Variants in GIGYF2 observed in about 807,000 individuals in gnomAD.
GIGYF2 encodes the protein GRB10-interacting GYF protein 2.
In GIGYF2, 25 loss-of-function variants were observed where a neutral mutation model predicts 208.1. The ratio of observed to expected loss-of-function variants is 0.12; its 90% confidence interval spans 0.09 to 0.17. GIGYF2 has a LOEUF of 0.17. Among genes scored for constraint, GIGYF2 ranks in the 10% least tolerant of loss-of-function variants. The pLI, the probability that GIGYF2 is intolerant of heterozygous loss-of-function variation, is 1.00. For synonymous variants in GIGYF2, 534 were observed against 543.8 expected (o/e 0.98, Z 0.25); for missense variants, 1,302 against 1,579.4 (o/e 0.82, Z 2.98).
intron 9 of GIGYF2, among the ~76,000 whole-genome samples, chr2:232,787,787 A>G (rs1026063810): frequency 3.9e-5 from 6 of 152,236 alleles, no homozygotes; most frequent in African/African-American, 1.4e-4. Context: ...TATTTGAAGA[A>G]TAAGCTTTAA....
At position 232,815,630 on chromosome 2, in the gene GIGYF2, CT is replaced by C; in HGVS notation, c.2108-5del. 1 of 1,441,676 alleles carries C rather than the reference CT, an allele frequency of 6.9e-7. No homozygotes were observed. The highest frequency in any genetic ancestry group is 9.8e-7 in the Non-Finnish European group (1 of 1,022,742). 89.3% of individuals were successfully genotyped at this position (1,441,676 alleles called of 1,614,324 possible). ...CATTCCTCGTTGTTTCTTTTGTTGT[CT>C]TACAGTTTGGGAAGGTGGTAGTGTA... On this transcript the variant is annotated splice_polypyrimidine_tract_variant and splice_region_variant and intron_variant, in intron 18 of 28. Coordinates refer to ENST00000373563, the MANE Select transcript of GIGYF2 (RefSeq NM_001103146.3).
In GIGYF2 at chr2:232,860,462, T is replaced by C. The variant is rs905363623; in HGVS notation, c.*3602T>C. ...AATATATATATAATATATACATATA[T>C]GTTATATACGTATATATATTGCACC... On this transcript the variant is annotated 3_prime_UTR_variant, in exon 29 of 29. Transcript: ENST00000373563. 2.0e-5 allele frequency: 3 copies of C among 149,920 alleles called. No homozygotes were observed. The highest frequency in any genetic ancestry group is 4.4e-5 in the Non-Finnish European group (3 of 67,614). The allele number at this position is 149,920 out of a possible 1,614,324, so 9.3% of individuals were successfully genotyped here.
chr2:232,708,017 A>G (rs1012636775), intron 2 of GIGYF2, among the ~76,000 whole-genome samples: 2 of 152,024 alleles, frequency 1.3e-5, no homozygotes, highest in Non-Finnish European at 1.5e-5. Flanking sequence ...GCTGCAGTGC[A>G]GTGGTGTAGT....
chr2:232,760,445 C>A, intron 6 of GIGYF2, 35 bp from the exon 7 acceptor site: 1 of 1,350,422 alleles, frequency 7.4e-7, no homozygotes, highest in African/African-American at 1.4e-5. Context: ...ATGTTGACAT[C>A]TGACTATCAT....
intron 5 of GIGYF2, among the ~76,000 whole-genome samples, chr2:232,750,022 T>A (rs955952865): frequency 7.6e-4 from 116 of 151,832 alleles, no homozygotes; most frequent in African/African-American, 2.8e-3. Flanking sequence ...CTATCTCTAC[T>A]AAAAATAAAA....
intron 2 of GIGYF2, among the ~76,000 whole-genome samples, chr2:232,707,037 G>A (rs566530889): frequency 1.1e-4 from 17 of 151,522 alleles, no homozygotes; most frequent in African/African-American, 2.9e-4. Flanking sequence ...CTCAAATGAT[G>A]TGGCAATGTT....
At chr2:232,793,312 GTAGA>G (rs1700126838) in intron 12 of GIGYF2, among the ~76,000 whole-genome samples, 1 of 152,196 alleles carries the variant, frequency 6.6e-6, no homozygotes, top group Non-Finnish European at 1.5e-5. Flanking sequence ...TCACTATGGG[GTAGA>G]TAGTACACCT....
rs1251401008 is a variant in GIGYF2 at position 232,806,894 on chromosome 2, G to A, written c.1806+237G>A. On this transcript the variant is annotated intron_variant, in intron 15 of 28. Coordinates refer to ENST00000373563, the MANE Select transcript of GIGYF2 (RefSeq NM_001103146.3). The surrounding 1 kb of genome is among the most constrained non-coding windows in gnomAD (Gnocchi z 4.0). ...CCCAGCTCCTCCCCAACAGGGAAAC[G>A]GAATCCTTCAGTAGCATTCCAGCAG... is the stretch of plus-strand genomic sequence containing the variant. Among the ~76,000 whole-genome samples, 4 of 152,128 alleles carry A rather than the reference G, an allele frequency of 2.6e-5. No individual in the cohort carries two copies. The highest frequency in any genetic ancestry group is 6.5e-5 in the Admixed American group (1 of 15,270).
intron 22 of GIGYF2, among the ~76,000 whole-genome samples, chr2:232,836,803 A>G (rs1478501039): frequency 6.6e-6 from 1 of 151,924 alleles, no homozygotes; most frequent in Non-Finnish European, 1.5e-5. Context: ...TTTTATCCCA[A>G]CTTCTACTGT....
intron 8 of GIGYF2, chr2:232,782,528 A>AT (rs1228719791): frequency 2.0e-5 from 3 of 152,240 alleles, no homozygotes; most frequent in African/African-American, 4.8e-5. Flanking sequence ...TTATGATAGC[A>AT]AAAAGGTAGA....
At chr2:232,839,602 A>C (rs1701756726) in intron 22 of GIGYF2, among the ~76,000 whole-genome samples, 1 of 152,196 alleles carries the variant, frequency 6.6e-6, no homozygotes, top group African/African-American at 2.4e-5. Context: ...AGGTAGATGA[A>C]ATGTAAGTGT....
rs1433262266 is a variant in GIGYF2 at position 232,812,465 on chromosome 2, T to G, written c.2081T>G (p.Leu694Arg). 1 of 1,501,178 alleles carries G rather than the reference T, an allele frequency of 6.7e-7. No individual in the cohort carries two copies. Among genetic ancestry groups the G allele is most frequent in the African/African-American group, 1.4e-5 (1 of 72,618 alleles). 93.0% of individuals were successfully genotyped at this position (1,501,178 alleles called of 1,614,324 possible). The change falls in exon 18 of 29, where the codon CTT becomes CGT. Residue 694 changes from leucine (L) to arginine (R), a missense_variant. Leu to Arg is a moderately radical substitution (Grantham distance 102). Around this residue, in one of 8 missense-constraint regions of GIGYF2, gnomAD observed 701 missense variants for 793.0 expected, o/e 0.88. Coordinates refer to ENST00000373563, the MANE Select transcript of GIGYF2 (RefSeq NM_001103146.3). ...SVPDTGSIWELQPTASQPTVW... is the reference protein window; with the variant it reads ...SVPDTGSIWERQPTASQPTVW... Reference sequence around the variant, plus strand: ...CCAGATACTGGCTCTATCTGGGAGCTTCAGCCAACAGCTTCACAGCCTACA... The same window carrying G: ...CCAGATACTGGCTCTATCTGGGAGCGTCAGCCAACAGCTTCACAGCCTACA...
chr2:232,822,242 A>G (rs1701107266), intron 21 of GIGYF2, among the ~76,000 whole-genome samples: 1 of 152,224 alleles, frequency 6.6e-6, no homozygotes, highest in Non-Finnish European at 1.5e-5. Context: ...TGAGGCTTCC[A>G]GGCAATGAAC....
chr2:232,812,296 C>T, intron 17 of GIGYF2, 95 bp from the exon 18 acceptor site: 1 of 688,482 alleles, frequency 1.5e-6, no homozygotes, highest in African/African-American at 1.8e-5. Context: ...GCCAAATAAC[C>T]TGGAGAACCT....
chr2:232,816,148 T>C (rs896553469), intron 19 of GIGYF2, among the ~76,000 whole-genome samples: 1 of 152,202 alleles, frequency 6.6e-6, no homozygotes, highest in African/African-American at 2.4e-5. Flanking sequence ...TCCTCAGACG[T>C]AGCAGCCAAA....
rs3817311 is a variant in GIGYF2, at chr2:232,747,847, C to T, written c.171+103C>T. Reference sequence around the variant, plus strand: ...CTGATTTATTTTACTAATGTATTGACCCATGCCTTTCCACCTTAACTGTTT... The same window carrying T: ...CTGATTTATTTTACTAATGTATTGATCCATGCCTTTCCACCTTAACTGTTT... On this transcript the variant is annotated intron_variant, in intron 4 of 28. Coordinates refer to ENST00000373563, the MANE Select transcript of GIGYF2 (RefSeq NM_001103146.3). 0.35 allele frequency: 385,415 copies of T among 1,093,328 alleles called. 72,510 individuals are homozygous for T. Among genetic ancestry groups the T allele is most frequent in the South Asian group, 0.63 (48,456 of 77,130 alleles). 67.7% of individuals were successfully genotyped at this position (1,093,328 alleles called of 1,614,324 possible). A position where few individuals can be genotyped will look rare whatever the true frequency, so the allele number is the denominator to read the frequency against.
At chr2:232,767,510 T>A (rs1699023613) in intron 8 of GIGYF2, 1 of 152,674 alleles carries the variant, frequency 6.5e-6, no homozygotes, top group African/African-American at 2.4e-5. Flanking sequence ...CAGGTTCCAT[T>A]TGGGCTGGAG....
At chr2:232,839,692 A>T (rs1207110449) in intron 22 of GIGYF2, among the ~76,000 whole-genome samples, 157 bp from the exon 23 acceptor site, 1 of 152,238 alleles carries the variant, frequency 6.6e-6, no homozygotes. Flanking sequence ...AGCTGAGAGG[A>T]TAGTAAGTAA....
chr2:232,699,685 A>AG (rs1266138445), intron 1 of GIGYF2, among the ~76,000 whole-genome samples: 3 of 152,242 alleles, frequency 2.0e-5, no homozygotes, highest in Non-Finnish European at 2.9e-5. Context: ...TTGAAAATGT[A>AG]GGGAAATTAG....
Sources: gnomAD v4.1 joint callset for allele counts (sites outside exome capture counted in the v4.1 genomes callset) on GRCh38, gnomAD v4.1.1 for gene constraint, gnomAD v4.1.1 regional missense constraint, Gnocchi (gnomAD v3.1) non-coding constraint, MANE v1.5 for transcripts, NCBI Gene and HGNC (gene_info 2026-07-23, HGNC 2026-07-21) for gene names.